The following SKP1 variants were observed in gnomAD, a reference collection of about 807,000 sequenced individuals.
The protein encoded by SKP1 is S-phase kinase associated protein 1.
SKP1 carries 1 observed loss-of-function variant against 21.5 expected under a neutral mutation model. The ratio of observed to expected loss-of-function variants is 0.05; its 90% confidence interval spans 0.02 to 0.22. SKP1 has a LOEUF of 0.22. SKP1 is among the 10% of genes least tolerant of loss of function. The probability of loss-of-function intolerance (pLI) is 1.00; values close to 1 mark genes in which losing one functional copy is unlikely to be tolerated. For missense variants in SKP1, 70 were observed against 192.0 expected, an observed-to-expected ratio of 0.36 and a Z score of 3.76; for synonymous variants, 59 against 59.3, an observed-to-expected ratio of 0.99 and a Z score of 0.03.
rs918501342 is a variant in SKP1 at position 134,152,513 on chromosome 5, C to T, written c.*5220G>A. ...TAGCACCTTTCAGCTCTGTAGCCCC[C>T]CATTGGCTCATTAATCTGTTCTGTC... On this transcript the variant is annotated 3_prime_UTR_variant, in exon 6 of 6. Transcript: ENST00000353411. 1 of 152,192 alleles carries T rather than the reference C, an allele frequency of 6.6e-6. No individual in the cohort carries two copies. The highest frequency in any genetic ancestry group is 6.5e-5 in the Admixed American group (1 of 15,288). The allele number at this position is 152,192 out of a possible 1,614,324, so 9.4% of individuals were successfully genotyped here. A position where few individuals can be genotyped will look rare whatever the true frequency, so the allele number is the denominator to read the frequency against.
In SKP1 at chr5:134,157,583, T is replaced by A; in HGVS notation, c.*150A>T. The A allele has an allele frequency of 1.4e-6, 1 of 716,776 alleles. No homozygotes were observed. The allele number at this position is 716,776 out of a possible 1,614,324, so 44.4% of individuals were successfully genotyped here. A position where few individuals can be genotyped will look rare whatever the true frequency, so the allele number is the denominator to read the frequency against. ...TAAGGTTTGGGATCTGTGCTCAAAC[T>A]ACACATGCAATGAGGACAATATTCT... On this transcript the variant is annotated 3_prime_UTR_variant, in exon 6 of 6. Coordinates refer to ENST00000353411, the MANE Select transcript of SKP1 (RefSeq NM_170679.3).
chr5:134,174,860 C>T (rs1227496204), intron 1 of SKP1: 1 of 148,904 alleles, frequency 6.7e-6, no homozygotes, highest in Non-Finnish European at 1.5e-5. Context: ...TTCTTACCAT[C>T]TTCAAATTCT....
intron 1 of SKP1, chr5:134,174,502 T>C (rs1357427701): frequency 1.0e-6 from 1 of 983,752 alleles, no homozygotes; most frequent in African/African-American, 1.8e-5. Context: ...CATCAGAATA[T>C]GCTCATTTAT....
At chr5:134,160,950 C>T in intron 4 of SKP1, 37 bp downstream of exon 4, 1 of 1,501,202 alleles carries the variant, frequency 6.7e-7, no homozygotes, top group Non-Finnish European at 9.1e-7. Flanking sequence ...TGTTTAAAGG[C>T]TCTAGAGTAG....
chr5:134,155,386 A>G lies in SKP1; in HGVS notation c.*2347T>C, dbSNP rs1486301342. 6.6e-6 allele frequency: 1 copy of G among 152,242 alleles called. No individual in the cohort carries two copies. The highest frequency in any genetic ancestry group is 1.5e-5 in the Non-Finnish European group (1 of 68,044). 9.4% of individuals were successfully genotyped at this position (152,242 alleles called of 1,614,324 possible). A position where few individuals can be genotyped will look rare whatever the true frequency, so the allele number is the denominator to read the frequency against. On this transcript the variant is annotated 3_prime_UTR_variant, in exon 6 of 6. Transcript: ENST00000353411. ...AAGAAAGGTAGGAAAATAATACTGC[A>G]ACCAGACTGAAAAGGGCTTCTTAAT...
intron 2 of SKP1, among the ~76,000 whole-genome samples, chr5:134,172,436 G>A (rs1193204197): frequency 6.6e-6 from 1 of 151,854 alleles, no homozygotes; most frequent in Non-Finnish European, 1.5e-5. Flanking sequence ...TCACCCCACT[G>A]GTAACACTAA....
rs1478880006 is a variant in SKP1 at position 134,150,233 on chromosome 5, T to C, written c.*7500A>G. 1 of 152,214 alleles carries C rather than the reference T, an allele frequency of 6.6e-6. No homozygotes were observed. The highest frequency in any genetic ancestry group is 2.4e-5 in the African/African-American group (1 of 41,454). 9.4% of individuals were successfully genotyped at this position (152,214 alleles called of 1,614,324 possible). Reference sequence around the variant, plus strand: ...TTAACAGAACCCCATGGATGGACTCTCTTCTGACATGTAATTATCTTTTGA... The same window carrying C: ...TTAACAGAACCCCATGGATGGACTCCCTTCTGACATGTAATTATCTTTTGA... On this transcript the variant is annotated 3_prime_UTR_variant, in exon 6 of 6. Coordinates refer to ENST00000353411, the MANE Select transcript of SKP1 (RefSeq NM_170679.3).
intron 2 of SKP1, among the ~76,000 whole-genome samples, chr5:134,171,941 G>C (rs1296551776): frequency 6.6e-6 from 1 of 152,232 alleles, no homozygotes; most frequent in East Asian, 1.9e-4. Flanking sequence ...CTACTTGGGA[G>C]GCGGAGGCAG....
chr5:134,158,405 A>T (rs749991684), intron 5 of SKP1, 50 bp downstream of exon 5: 10 of 1,613,262 alleles, frequency 6.2e-6, no homozygotes, highest in African/African-American at 1.3e-5. Context: ...TATAGGTGTT[A>T]CTCCCTTTTT....
rs1760993314 is a variant in SKP1 at position 134,149,066 on chromosome 5, A to G, written c.*8667T>C. On this transcript the variant is annotated 3_prime_UTR_variant, in exon 6 of 6. Coordinates refer to ENST00000353411, the MANE Select transcript of SKP1 (RefSeq NM_170679.3). ...GCGGTGAGGTCCGGGCTATTTTTAGATTATTTGTATACATTTAGGGGGTAC... is the reference window on the plus strand; with the variant it reads ...GCGGTGAGGTCCGGGCTATTTTTAGGTTATTTGTATACATTTAGGGGGTAC... 6.6e-6 allele frequency: 1 copy of G among 151,946 alleles called. No homozygotes were observed. The highest frequency in any genetic ancestry group is 1.5e-5 in the Non-Finnish European group (1 of 68,006). The allele number at this position is 151,946 out of a possible 1,614,324, so 9.4% of individuals were successfully genotyped here.
intron 2 of SKP1, among the ~76,000 whole-genome samples, chr5:134,168,370 C>T (rs1241936296): frequency 1.3e-5 from 2 of 151,982 alleles, no homozygotes; most frequent in African/African-American, 2.4e-5. Context: ...ACTAAAAATG[C>T]GCACAAACAC....
intron 5 of SKP1, chr5:134,158,148 C>CTT: frequency 7.3e-7 from 1 of 1,375,110 alleles, no homozygotes; most frequent in Non-Finnish European, 9.4e-7. Context: ...CTAGGGCCTG[C>CTT]TTTTCTGATG....
At chr5:134,161,463 A>G (rs1474931414) in intron 3 of SKP1, 2 of 176,786 alleles carry the variant, frequency 1.1e-5, no homozygotes, top group African/African-American at 4.9e-5. Flanking sequence ...AAAATCTTTC[A>G]AAAATCATTA....
chr5:134,163,071 T>G (rs948111945), intron 3 of SKP1, among the ~76,000 whole-genome samples: 2 of 151,464 alleles, frequency 1.3e-5, no homozygotes, highest in Non-Finnish European at 2.9e-5. Flanking sequence ...AAAAATGAGA[T>G]GGGACTGGTG....
chr5:134,159,708 CG>C (rs1761184721), intron 4 of SKP1, among the ~76,000 whole-genome samples: 1 of 152,176 alleles, frequency 6.6e-6, no homozygotes, highest in Admixed American at 6.5e-5. Context: ...CCACCCCACC[CG>C]GCTAATTTTC....
intron 5 of SKP1, 38 bp from the exon 6 acceptor site, chr5:134,157,806 G>A: frequency 6.2e-7 from 1 of 1,611,790 alleles, no homozygotes; most frequent in Non-Finnish European, 8.5e-7. Context: ...CTTAACTTGA[G>A]TAGTCTTTCC....
rs758587835 is a variant in SKP1 at position 134,155,510 on chromosome 5, T to G, written c.*2223A>C. The G allele has an allele frequency of 1.4e-4, 22 of 152,228 alleles. No individual in the cohort carries two copies. Among genetic ancestry groups the G allele is most frequent in the Non-Finnish European group, 2.8e-4 (19 of 68,046 alleles). 9.4% of individuals were successfully genotyped at this position (152,228 alleles called of 1,614,324 possible). A position where few individuals can be genotyped will look rare whatever the true frequency, so the allele number is the denominator to read the frequency against. On this transcript the variant is annotated 3_prime_UTR_variant, in exon 6 of 6. Coordinates refer to ENST00000353411, the MANE Select transcript of SKP1 (RefSeq NM_170679.3). ...AAAGTTTAAGATTACTAGGATTTTT[T>G]GTTGTTTGTTTAGGGACTACAGAAA... is the stretch of plus-strand genomic sequence containing the variant.
At position 134,155,180 on chromosome 5, in the gene SKP1, A is replaced by G. The variant is rs1257061474; in HGVS notation, c.*2553T>C. Reference sequence around the variant, plus strand: ...CAGCCTCAAGGTATGACTTAATGCCACAATATTAGTTTAGAAGAATAGTTG... The same window carrying G: ...CAGCCTCAAGGTATGACTTAATGCCGCAATATTAGTTTAGAAGAATAGTTG... On this transcript the variant is annotated 3_prime_UTR_variant, in exon 6 of 6. Transcript: ENST00000353411. 3.3e-5 allele frequency: 5 copies of G among 152,208 alleles called. No homozygotes were observed. The highest frequency in any genetic ancestry group is 1.5e-5 in the Non-Finnish European group (1 of 68,036). The allele number at this position is 152,208 out of a possible 1,614,324, so 9.4% of individuals were successfully genotyped here.
In SKP1 at chr5:134,165,370, G is replaced by A. The variant is rs781388551; in HGVS notation, c.171+1800C>T. On this transcript the variant is annotated intron_variant, in intron 3 of 5. Transcript: ENST00000353411. ...TTTGGGAGGCCAAAGCAGGCAGATCGCCTGAGGTGAGGAGTTCAAGACCAG... is the reference window on the plus strand; with the variant it reads ...TTTGGGAGGCCAAAGCAGGCAGATCACCTGAGGTGAGGAGTTCAAGACCAG... 9.2e-5 allele frequency among the ~76,000 whole-genome samples: 14 copies of A among 151,442 alleles called. 1 individual carries two copies. Among genetic ancestry groups the A allele is most frequent in the South Asian group, 6.3e-4 (3 of 4,786 alleles).
Sources: allele counts gnomAD v4.1 joint callset (sites outside exome capture counted in the v4.1 genomes callset), GRCh38; gene constraint gnomAD v4.1.1; transcripts MANE v1.5; gene names NCBI Gene and HGNC (gene_info 2026-07-23, HGNC 2026-07-21).